Variants in REST observed in about 807,000 individuals in gnomAD.
REST encodes the protein RE1 silencing transcription factor.
In REST, 1 loss-of-function variant was observed where a neutral mutation model predicts 30.4. That is an observed-to-expected ratio of 0.03 (90% CI 0.01 to 0.16). REST has a LOEUF of 0.16. REST is among the 10% of genes least tolerant of loss of function. The pLI is 1.00. For missense variants in REST, 1,259 were observed against 1,329.5 expected (o/e 0.95, Z 0.82); for synonymous variants, 504 against 451.1 (o/e 1.12, Z -1.49).
chr4:56,924,303 T>C (rs1030655334), intron 3 of REST, among the ~76,000 whole-genome samples: 2 of 152,216 alleles, frequency 1.3e-5, no homozygotes, highest in Non-Finnish European at 2.9e-5. Context: ...ATTTATAAAT[T>C]TAAAAATGCA....
chr4:56,911,361 T>G lies in REST; in HGVS notation c.723T>G (p.Ala241=). 17 of 1,614,100 alleles carry G rather than the reference T, an allele frequency of 1.1e-5. No individual in the cohort carries two copies. The highest frequency in any genetic ancestry group is 1.4e-5 in the Non-Finnish European group (17 of 1,180,034). ...YTAHLKHHTR[A]GDNERVYKCI... ...CACACCTGAAACACCACACCAGAGC[T>G]GGGGATAATGAGCGAGTCTACAAGT... Residue 241 remains alanine (A), a synonymous_variant, in exon 2 of 4, where the codon GCT becomes GCG. Coordinates refer to ENST00000309042, the MANE Select transcript of REST (RefSeq NM_005612.5).
At chr4:56,927,660 G>T (rs1479623683) in intron 3 of REST, 4 of 1,244,844 alleles carry the variant, frequency 3.2e-6, no homozygotes, top group Non-Finnish European at 4.2e-6. Flanking sequence ...GTGTGATCTA[G>T]ATGGGTATGT....
At chr4:56,925,348 C>T (rs1261406430) in intron 3 of REST, among the ~76,000 whole-genome samples, 1 of 150,856 alleles carries the variant, frequency 6.6e-6, no homozygotes, top group African/African-American at 2.4e-5. Context: ...GAGTAGGTGG[C>T]ACTGTAGGCT....
rs1368131413 is a variant in REST at position 56,934,469 on chromosome 4, A to T, written c.*2317A>T. 1 of 152,200 alleles carries T rather than the reference A, an allele frequency of 6.6e-6. No individual in the cohort carries two copies. The highest frequency in any genetic ancestry group is 1.5e-5 in the Non-Finnish European group (1 of 68,028). The allele number at this position is 152,200 out of a possible 1,614,324, so 9.4% of individuals were successfully genotyped here. A position where few individuals can be genotyped will look rare whatever the true frequency, so the allele number is the denominator to read the frequency against. On this transcript the variant is annotated 3_prime_UTR_variant, in exon 4 of 4. Transcript: ENST00000309042. ...ATTAAAACCCCTTATTATTAAATTG[A>T]TTTGTAAAAACATTGTTACTGGAAA...
chr4:56,916,112 A>G (rs1192585126), intron 2 of REST, among the ~76,000 whole-genome samples: 1 of 146,778 alleles, frequency 6.8e-6, no homozygotes, highest in Non-Finnish European at 1.5e-5. Flanking sequence ...AAAACAAACT[A>G]CAAGTAGCAT....
At chr4:56,919,386 A>C (rs907568301) in intron 2 of REST, among the ~76,000 whole-genome samples, 3 of 152,204 alleles carry the variant, frequency 2.0e-5, no homozygotes, top group African/African-American at 4.8e-5. Context: ...TAAAAAAAAA[A>C]CCTAAAAACC....
At chr4:56,914,122 G>T in intron 2 of REST, among the ~76,000 whole-genome samples, 1 of 151,866 alleles carries the variant, frequency 6.6e-6, no homozygotes, top group Non-Finnish European at 1.5e-5. Flanking sequence ...TAGAGACAGG[G>T]TTTCGCCATG....
intron 2 of REST, 151 bp from the exon 3 acceptor site, chr4:56,919,636 G>A (rs946844662): frequency 4.3e-6 from 2 of 463,984 alleles, no homozygotes; most frequent in African/African-American, 3.9e-5. Context: ...TACATTTTAA[G>A]TACATGATAA....
At chr4:56,928,046 GAT>G (rs1294060911) in intron 3 of REST, among the ~76,000 whole-genome samples, 1 of 152,200 alleles carries the variant, frequency 6.6e-6, no homozygotes, top group Non-Finnish European at 1.5e-5. Flanking sequence ...CAGAGTGAAA[GAT>G]ATTTTTCTCA....
rs1720972243 is a variant in REST, at chr4:56,931,558, A to C, written c.2700A>C (p.Glu900Asp). The change falls in exon 4 of 4, where the codon GAA becomes GAC. Residue 900 changes from glutamate (E) to aspartate (D), a missense_variant. Physicochemically the swap from Glu to Asp is conservative, Grantham distance 45. Around this residue, in one of 5 missense-constraint regions of REST, gnomAD observed 856 missense variants for 772.8 expected, o/e 1.11. Coordinates refer to ENST00000309042, the MANE Select transcript of REST (RefSeq NM_005612.5). ...CCCCTCTTCAGAAAGTAGGAGCAGA[A>C]GAGGCAGATGAGAGCCTACCTGGTC... ...KEAPLQKVGAEEADESLPGLA... is the reference protein window; with the variant it reads ...KEAPLQKVGADEADESLPGLA... 1 of 1,614,138 alleles carries C rather than the reference A, an allele frequency of 6.2e-7. No homozygotes were observed. The highest frequency in any genetic ancestry group is 1.3e-5 in the African/African-American group (1 of 74,956).
chr4:56,925,026 A>G (rs1720623723), intron 3 of REST, among the ~76,000 whole-genome samples: 1 of 151,984 alleles, frequency 6.6e-6, no homozygotes, highest in Non-Finnish European at 1.5e-5. Context: ...TTAGCCTGGC[A>G]TGATGGCGGG....
chr4:56,927,718 G>A, intron 3 of REST: 3 of 878,970 alleles, frequency 3.4e-6, no homozygotes, highest in Non-Finnish European at 3.1e-6. Flanking sequence ...GGGGGTGGGG[G>A]TTCTGGTTTT....
At chr4:56,913,294 G>A (rs1204282148) in intron 2 of REST, among the ~76,000 whole-genome samples, 1 of 151,962 alleles carries the variant, frequency 6.6e-6, no homozygotes, top group African/African-American at 2.4e-5. Context: ...AAAGTAACTG[G>A]GACTACAGAT....
intron 2 of REST, among the ~76,000 whole-genome samples, chr4:56,912,339 CT>C (rs11318390): frequency 0.48 from 53,609 of 112,586 alleles, 10,474 homozygotes; most frequent in Middle Eastern, 0.58. Context: ...AAAGTTGAAA[CT>C]TTTTTTTTTT....
rs1181925122 is a variant in REST, at chr4:56,932,384, A to C, written c.*232A>C. On this transcript the variant is annotated 3_prime_UTR_variant, in exon 4 of 4. Coordinates refer to ENST00000309042, the MANE Select transcript of REST (RefSeq NM_005612.5). Reference sequence around the variant, plus strand: ...CAGGTATCTGTTAGCTTATGTGTTTAATTGAAATTAGAAGGCTAAGATGGT... The same window carrying C: ...CAGGTATCTGTTAGCTTATGTGTTTCATTGAAATTAGAAGGCTAAGATGGT... 4.7e-6 allele frequency: 2 copies of C among 429,728 alleles called. No individual in the cohort carries two copies. Among genetic ancestry groups the C allele is most frequent in the Non-Finnish European group, 8.2e-6 (2 of 244,520 alleles). The allele number at this position is 429,728 out of a possible 1,614,324, so 26.6% of individuals were successfully genotyped here. A position where few individuals can be genotyped will look rare whatever the true frequency, so the allele number is the denominator to read the frequency against.
At chr4:56,911,784 C>T (rs928670867) in intron 2 of REST, among the ~76,000 whole-genome samples, 5 of 152,114 alleles carry the variant, frequency 3.3e-5, no homozygotes, top group Non-Finnish European at 7.4e-5. Flanking sequence ...GAGATCTTAC[C>T]GTGGTCTTAC....
At position 56,930,232 on chromosome 4, in the gene REST, T is replaced by C. The variant is rs147318917; in HGVS notation, c.1374T>C (p.Ala458=). 1.1e-5 allele frequency: 17 copies of C among 1,606,588 alleles called. No homozygotes were observed. The African/African-American group carries it at 2.2e-4, about 20-fold the overall frequency. ...IEQTKIKGDV[A]GKKNEKSVKA... ...AAACAAAAATAAAAGGGGATGTGGC[T>C]GGAAAGAAAAATGAAAAGTCCGTCA... The change falls in exon 4 of 4, where the codon GCT becomes GCC. Residue 458 remains alanine (A), a synonymous_variant. Transcript: ENST00000309042.
At chr4:56,921,068 G>T (rs1281137061) in intron 3 of REST, among the ~76,000 whole-genome samples, 1 of 151,988 alleles carries the variant, frequency 6.6e-6, no homozygotes, top group African/African-American at 2.4e-5. Context: ...GTTTCACCAT[G>T]TTGGTCAGGC....
At position 56,908,631 on chromosome 4, in the gene REST, C is replaced by T. The variant is rs559107345; in HGVS notation, c.-10+418C>T. Among the ~76,000 whole-genome samples, 136 of 152,226 alleles carry T rather than the reference C, an allele frequency of 8.9e-4. 1 individual carries two copies. The highest frequency in any genetic ancestry group is 1.6e-3 in the Non-Finnish European group (112 of 67,996). On this transcript the variant is annotated intron_variant, in intron 1 of 3. Coordinates refer to ENST00000309042, the MANE Select transcript of REST (RefSeq NM_005612.5). Reference sequence around the variant, plus strand: ...CGCAGCCCCGCGCCGGCCCGCGGCCCTCCTGGCCCCCTCCCCCAGGGCCTC... The same window carrying T: ...CGCAGCCCCGCGCCGGCCCGCGGCCTTCCTGGCCCCCTCCCCCAGGGCCTC...
Sources: gnomAD v4.1 joint callset for allele counts (sites outside exome capture counted in the v4.1 genomes callset) on GRCh38, gnomAD v4.1.1 for gene constraint, gnomAD v4.1.1 regional missense constraint, MANE v1.5 for transcripts, NCBI Gene and HGNC (gene_info 2026-07-23, HGNC 2026-07-21) for gene names.